The following CLRN1 variants were observed in gnomAD, a reference collection of about 807,000 sequenced individuals.
The protein encoded by CLRN1 is clarin-1.
In CLRN1, 15 loss-of-function variants were observed where a neutral mutation model predicts 18.7. That is an observed-to-expected ratio of 0.80 (90% CI 0.54 to 1.23). CLRN1 has a LOEUF of 1.23. Ranked by LOEUF, CLRN1 falls within the 50% of genes most tolerant of loss-of-function variation. CLRN1 has a pLI of 0.00. For missense variants in CLRN1, 311 were observed against 277.5 expected, an observed-to-expected ratio of 1.12 and a Z score of -0.86; for synonymous variants, 104 against 102.9, an observed-to-expected ratio of 1.01 and a Z score of -0.07.
chr3:150,946,730 CTTTT>C (rs1714196078), intron 1 of CLRN1, among the ~76,000 whole-genome samples: 1 of 120,696 alleles, frequency 8.3e-6, no homozygotes, highest in East Asian at 2.5e-4. Flanking sequence ...TCTTTTTTCA[CTTTT>C]TATTTTTTTA....
At chr3:150,958,315 C>G (rs1158041912) in intron 1 of CLRN1, among the ~76,000 whole-genome samples, 1 of 152,180 alleles carries the variant, frequency 6.6e-6, no homozygotes, top group Non-Finnish European at 1.5e-5. Flanking sequence ...CTTTCTATTT[C>G]TCTGCCAGTG....
At chr3:150,944,432 G>A (rs1714039210) in intron 1 of CLRN1, among the ~76,000 whole-genome samples, 3 of 152,050 alleles carry the variant, frequency 2.0e-5, no homozygotes, top group Admixed American at 2.0e-4. Flanking sequence ...AAGGGGGTGG[G>A]GAAGAACAAA....
At chr3:150,964,807 A>T (rs1715189112) in intron 1 of CLRN1, among the ~76,000 whole-genome samples, 1 of 152,128 alleles carries the variant, frequency 6.6e-6, no homozygotes, top group Admixed American at 6.5e-5. Flanking sequence ...GGAACAGAAA[A>T]CCAAACACCG....
chr3:150,942,223 T>C (rs573488494), intron 1 of CLRN1, among the ~76,000 whole-genome samples: 2 of 152,320 alleles, frequency 1.3e-5, no homozygotes, highest in East Asian at 3.9e-4. Context: ...TTGTTTCTAG[T>C]CTACACCAAG....
chr3:150,940,437 G>T, intron 2 of CLRN1: 1 of 1,515,608 alleles, frequency 6.6e-7, no homozygotes, highest in South Asian at 1.2e-5. Flanking sequence ...GGTTGGGGTT[G>T]AATTGTATGA....
Position 150,937,724 on chromosome 3 carries a change from A to C in CLRN1, c.433+3858T>G, listed in dbSNP as rs1432158571. The stretch of plus-strand genomic sequence containing the variant: ...AATATTACATGGAGAATGCTGAGGA[A>C]TACGAGCTAAACTGGAGGTTATGAG... On this transcript the variant is annotated intron_variant, in intron 2 of 2. Transcript: ENST00000327047. Among the ~76,000 whole-genome samples the C allele has an allele frequency of 8.0e-4, 122 of 152,324 alleles. 1 individual carries two copies. The highest frequency in any genetic ancestry group is 1.6e-4 in the Non-Finnish European group (11 of 68,022).
intron 1 of CLRN1, 47 bp from the exon 2 acceptor site, chr3:150,941,808 A>T (rs1206785208): frequency 6.7e-7 from 1 of 1,496,022 alleles, no homozygotes; most frequent in Admixed American, 1.7e-5. Flanking sequence ...CATTAGCAGT[A>T]GTCTGCAAGT....
At chr3:150,937,630 T>C (rs1160073181) in intron 2 of CLRN1, among the ~76,000 whole-genome samples, 3 of 152,150 alleles carry the variant, frequency 2.0e-5, no homozygotes, top group Non-Finnish European at 1.5e-5. Context: ...AAAAGACTTC[T>C]CAGCATCAAT....
Position 150,927,027 on chromosome 3 carries a change from C to A in CLRN1, c.*909G>T. 1 of 1,385,584 alleles carries A rather than the reference C, an allele frequency of 7.2e-7. No homozygotes were observed. The highest frequency in any genetic ancestry group is 1.0e-6 in the Non-Finnish European group (1 of 1,003,138). 85.8% of individuals were successfully genotyped at this position (1,385,584 alleles called of 1,614,324 possible). A position where few individuals can be genotyped will look rare whatever the true frequency, so the allele number is the denominator to read the frequency against. ...TAATTGCATATTAGTACTCGAGACA[C>A]TATAGCTAGAAAAACAGCCCCTAAT... is the stretch of plus-strand genomic sequence containing the variant. On this transcript the variant is annotated 3_prime_UTR_variant, in exon 3 of 3. Coordinates refer to ENST00000327047, the MANE Select transcript of CLRN1 (RefSeq NM_174878.3).
chr3:150,941,533 G>C (rs762944540), intron 2 of CLRN1, 49 bp downstream of exon 2: 1 of 1,568,746 alleles, frequency 6.4e-7, no homozygotes, highest in East Asian at 2.3e-5. Flanking sequence ...CGGTCTTTTT[G>C]ACATATTGAA....
intron 1 of CLRN1, among the ~76,000 whole-genome samples, chr3:150,971,731 C>T (rs745817199): frequency 6.6e-6 from 1 of 152,148 alleles, no homozygotes; most frequent in Non-Finnish European, 1.5e-5. Context: ...GTTGCCTATT[C>T]ACATGGTAAT....
chr3:150,948,455 G>A (rs1394620369), intron 1 of CLRN1, among the ~76,000 whole-genome samples: 12 of 121,222 alleles, frequency 9.9e-5, no homozygotes, highest in African/African-American at 2.9e-4. Flanking sequence ...CTGCACTCCA[G>A]CCTGGGCGAC....
At chr3:150,936,385 C>G (rs1713488386) in intron 2 of CLRN1, among the ~76,000 whole-genome samples, 1 of 152,126 alleles carries the variant, frequency 6.6e-6, no homozygotes, top group South Asian at 2.1e-4. Context: ...ACTTGGTGGT[C>G]TCATAGCAAC....
At position 150,960,637 on chromosome 3, in the gene CLRN1, A is replaced by G. The variant is rs1355265811; in HGVS notation, c.253+11819T>C. On this transcript the variant is annotated intron_variant, in intron 1 of 2. Transcript: ENST00000327047. Reference sequence around the variant, plus strand: ...ATTCTTACTTCTATTTCCCTTGTGCAATTTCTTGGACATCCTCTGTAATGG... The same window carrying G: ...ATTCTTACTTCTATTTCCCTTGTGCGATTTCTTGGACATCCTCTGTAATGG... Among the ~76,000 whole-genome samples the G allele has an allele frequency of 3.3e-5, 5 of 152,226 alleles. 1 individual carries two copies. The highest frequency in any genetic ancestry group is 4.2e-4 in the South Asian group (2 of 4,818).
At chr3:150,928,977 A>G (rs1032600326) in intron 2 of CLRN1, among the ~76,000 whole-genome samples, 18 of 152,164 alleles carry the variant, frequency 1.2e-4, no homozygotes, top group Admixed American at 3.9e-4. Context: ...GAGCCCCAGC[A>G]TACATTTTGG....
chr3:150,931,371 T>A (rs1218752486), intron 2 of CLRN1, among the ~76,000 whole-genome samples: 4 of 152,186 alleles, frequency 2.6e-5, no homozygotes, highest in Admixed American at 2.6e-4. Context: ...TTTAGAGGGT[T>A]CTGCTCTGTC....
intron 1 of CLRN1, among the ~76,000 whole-genome samples, chr3:150,966,351 A>C (rs1041486960): frequency 1.3e-5 from 2 of 152,182 alleles, no homozygotes; most frequent in African/African-American, 2.4e-5. Context: ...AGTGTTAAAC[A>C]TATTGGTCAT....
intron 1 of CLRN1, among the ~76,000 whole-genome samples, chr3:150,948,609 A>G (rs537399181): frequency 2.0e-5 from 3 of 152,236 alleles, no homozygotes; most frequent in African/African-American, 7.2e-5. Context: ...GAAAACCTAG[A>G]AGAGCTAAAT....
chr3:150,958,617 T>G (rs764281914), intron 1 of CLRN1, among the ~76,000 whole-genome samples: 18 of 152,264 alleles, frequency 1.2e-4, no homozygotes, highest in Non-Finnish European at 1.8e-4. Flanking sequence ...TTCATTTACT[T>G]GGAATGTTTC....
Sources: allele counts gnomAD v4.1 joint callset (sites outside exome capture counted in the v4.1 genomes callset), GRCh38; gene constraint gnomAD v4.1.1; transcripts MANE v1.5; gene names NCBI Gene and HGNC (gene_info 2026-07-23, HGNC 2026-07-21).